The following CACNA2D4 variants were observed in gnomAD, a reference collection of about 807,000 sequenced individuals.
CACNA2D4 encodes calcium voltage-gated channel auxiliary subunit alpha2delta 4.
A neutral mutation model predicts 163.8 loss-of-function variants in CACNA2D4; 157 were observed. The observed-to-expected ratio is 0.96, with a 90% CI of 0.84 to 1.09. The LOEUF (loss-of-function observed/expected upper bound fraction) is 1.09, where lower values mean the gene tolerates loss of function less well. Among genes scored for constraint, CACNA2D4 ranks in the 50% least tolerant of loss-of-function variants. The pLI is 0.00. For synonymous variants in CACNA2D4, 598 were observed against 586.9 expected (o/e 1.02, Z -0.27); for missense variants, 1,410 against 1,479.9 (o/e 0.95, Z 0.78).
rs60739615 is a variant in CACNA2D4, at chr12:1,802,015, C to CTGTGTGTGTG, written c.2722-381_2722-372dup. ...TATGAAACTGGATTTGTTTTATATG[C>CTGTGTGTGTG]TGTGTGTGTGTGTGTGTGTGTGTGT... On this transcript the variant is annotated intron_variant, in intron 29 of 37. Coordinates refer to ENST00000382722, the MANE Select transcript of CACNA2D4 (RefSeq NM_172364.5). This position sits in a 1 kb window ranked among gnomAD's most constrained non-coding sequence, Gnocchi z 4.7. Among the ~76,000 whole-genome samples the CTGTGTGTGTG allele has an allele frequency of 2.7e-4, 39 of 144,270 alleles. No individual in the cohort carries two copies. In the East Asian group the frequency reaches 4.0e-3, roughly 15 times the overall value. The allele number at this position is 144,270 out of a possible 152,430, so 94.6% of individuals were successfully genotyped here. A position where few individuals can be genotyped will look rare whatever the true frequency, so the allele number is the denominator to read the frequency against.
chr12:1,858,721 T>A, intron 19 of CACNA2D4, 77 bp from the exon 20 acceptor site: 3 of 1,154,054 alleles, frequency 2.6e-6, no homozygotes, highest in Non-Finnish European at 3.7e-6. Context: ...TCCTTGCCCT[T>A]ACCAACACTA....
In CACNA2D4 at chr12:1,855,743, G is replaced by A. The variant is rs111595294; in HGVS notation, c.2152+269C>T. ...TCCTGACCCTTAACAGAGCTTGGTG[G>A]ATAGAGGCTGAAAAAGATCCCAGTC... On this transcript the variant is annotated intron_variant, in intron 22 of 37. Coordinates refer to ENST00000382722, the MANE Select transcript of CACNA2D4 (RefSeq NM_172364.5). Among the ~76,000 whole-genome samples the A allele has an allele frequency of 1.7e-3, 262 of 152,338 alleles. 1 individual carries two copies. The highest frequency in any genetic ancestry group is 6.8e-3 in the Middle Eastern group (2 of 294).
chr12:1,876,809 A>G (rs1018587782), intron 16 of CACNA2D4, among the ~76,000 whole-genome samples: 2 of 152,156 alleles, frequency 1.3e-5, no homozygotes, highest in African/African-American at 4.8e-5. Context: ...GGGGCTCAAC[A>G]TTCCATTGCC....
At chr12:1,898,218 AATAG>A (rs1014698844) in intron 6 of CACNA2D4, among the ~76,000 whole-genome samples, 5 of 152,168 alleles carry the variant, frequency 3.3e-5, no homozygotes, top group Admixed American at 1.3e-4. Flanking sequence ...CAAAAGAAAA[AATAG>A]ATAGACTGGA....
intron 35 of CACNA2D4, among the ~76,000 whole-genome samples, chr12:1,796,269 G>A (rs967078271): frequency 1.3e-5 from 2 of 152,208 alleles, no homozygotes; most frequent in Non-Finnish European, 2.9e-5. Context: ...CGCCCGCCAG[G>A]CCCACGGCCT....
chr12:1,858,973 C>T (rs903796786), intron 19 of CACNA2D4, among the ~76,000 whole-genome samples: 4 of 152,196 alleles, frequency 2.6e-5, no homozygotes, highest in Non-Finnish European at 1.5e-5. Context: ...CTCTCTGTTT[C>T]ACAGGGGGTC....
At position 1,859,961 on chromosome 12, in the gene CACNA2D4, C is replaced by T. The variant is rs532071830; in HGVS notation, c.1940+184G>A. ...CTGTAAATGGTAGAGCTGGGGTTCA[C>T]GTCCAGGCAGTTTGGCTCTGGAACC... On this transcript the variant is annotated intron_variant, in intron 19 of 37. Transcript: ENST00000382722. Among the ~76,000 whole-genome samples, 54 of 152,330 alleles carry T rather than the reference C, an allele frequency of 3.5e-4. 1 individual carries two copies. The South Asian group carries it at 8.5e-3, about 24-fold the overall frequency.
chr12:1,915,756 G>A (rs1866958572), intron 1 of CACNA2D4, among the ~76,000 whole-genome samples: 1 of 152,224 alleles, frequency 6.6e-6, no homozygotes, highest in Non-Finnish European at 1.5e-5. Flanking sequence ...TGGCCAGGCT[G>A]GTGGGGTCCT....
intron 26 of CACNA2D4, among the ~76,000 whole-genome samples, chr12:1,830,131 A>G (rs566826001): frequency 1.3e-5 from 2 of 152,278 alleles, no homozygotes; most frequent in African/African-American, 2.4e-5. Flanking sequence ...CCCTAGGAAC[A>G]GAAGCCCAGG....
chr12:1,832,642 T>G (rs1298564861), intron 26 of CACNA2D4, among the ~76,000 whole-genome samples: 1 of 152,228 alleles, frequency 6.6e-6, no homozygotes, highest in African/African-American at 2.4e-5. Context: ...TAAAAATGTT[T>G]TACAAACTAT....
intron 27 of CACNA2D4, among the ~76,000 whole-genome samples, chr12:1,811,042 G>A (rs1162468767): frequency 6.6e-6 from 1 of 152,194 alleles, no homozygotes; most frequent in Non-Finnish European, 1.5e-5. Flanking sequence ...TCTGGTTGAG[G>A]CGGTGGGTGA....
In CACNA2D4 at chr12:1,798,083, G is replaced by A. The variant is rs1205139626; in HGVS notation, c.2996-548C>T. On this transcript the variant is annotated intron_variant, in intron 34 of 37. Coordinates refer to ENST00000382722, the MANE Select transcript of CACNA2D4 (RefSeq NM_172364.5). The surrounding 1 kb of genome is among the most constrained non-coding windows in gnomAD (Gnocchi z 4.3). ...AGGTGGGCTCCAGGCCTGGGGCTGCGGAAGCCCAGAAGCCACAGCCACCCG... is the reference window on the plus strand; with the variant it reads ...AGGTGGGCTCCAGGCCTGGGGCTGCAGAAGCCCAGAAGCCACAGCCACCCG... 3.9e-5 allele frequency among the ~76,000 whole-genome samples: 6 copies of A among 152,186 alleles called. No homozygotes were observed. The highest frequency in any genetic ancestry group is 8.8e-5 in the Non-Finnish European group (6 of 68,012).
In CACNA2D4 at chr12:1,793,202, G is replaced by GGT. The variant is rs1863025286; in HGVS notation, c.*452_*453insAC. On this transcript the variant is annotated 3_prime_UTR_variant, in exon 38 of 38. Coordinates refer to ENST00000382722, the MANE Select transcript of CACNA2D4 (RefSeq NM_172364.5). Reference sequence around the variant, plus strand: ...TTGCCTTAGCCTCATCTCTGCATTTGGCCTCATTCTGCTGCTGCTTCTCAG... The same window carrying GGT: ...TTGCCTTAGCCTCATCTCTGCATTTGGTGCCTCATTCTGCTGCTGCTTCTCAG... 6.1e-6 allele frequency: 1 copy of GGT among 162,886 alleles called. No individual in the cohort carries two copies. Among genetic ancestry groups the GGT allele is most frequent in the Non-Finnish European group, 1.3e-5 (1 of 74,568 alleles). The allele number at this position is 162,886 out of a possible 1,614,324, so 10.1% of individuals were successfully genotyped here. A position where few individuals can be genotyped will look rare whatever the true frequency, so the allele number is the denominator to read the frequency against.
rs987485779 is a variant in CACNA2D4, at chr12:1,874,456, G to A, written c.1878+148C>T. ...TTTCTCCAGGGCCAATGCACCCTGC[G>A]TATACTCCCTAATGGACCCTCTAGG... On this transcript the variant is annotated intron_variant, in intron 18 of 37. Transcript: ENST00000382722. This position sits in a 1 kb window ranked among gnomAD's most constrained non-coding sequence, Gnocchi z 4.4. The A allele has an allele frequency of 9.7e-6, 6 of 618,714 alleles. No homozygotes were observed. Among genetic ancestry groups the A allele is most frequent in the African/African-American group, 9.2e-5 (5 of 54,420 alleles). The allele number at this position is 618,714 out of a possible 1,614,324, so 38.3% of individuals were successfully genotyped here. A position where few individuals can be genotyped will look rare whatever the true frequency, so the allele number is the denominator to read the frequency against.
At chr12:1,855,926 C>T in intron 22 of CACNA2D4, 86 bp downstream of exon 22, 1 of 976,246 alleles carries the variant, frequency 1.0e-6, no homozygotes, top group Non-Finnish European at 1.6e-6. Context: ...CAGCAGCCTC[C>T]CCCTGCCTTC....
At chr12:1,884,430 G>C in intron 11 of CACNA2D4, 109 bp from the exon 12 acceptor site, 5 of 889,486 alleles carry the variant, frequency 5.6e-6, no homozygotes, top group Non-Finnish European at 3.6e-6. Context: ...CTCAGTCTTC[G>C]GGTTCTCCAA....
chr12:1,887,015 C>T lies in CACNA2D4; in HGVS notation c.836G>A (p.Arg279His), dbSNP rs769083357. The T allele has an allele frequency of 1.8e-5, 28 of 1,587,628 alleles. No individual in the cohort carries two copies. In the Middle Eastern group the frequency reaches 5.0e-4, roughly 28 times the overall value. The change falls in exon 7 of 38, where the codon CGC becomes CAC. Residue 279 changes from arginine (R) to histidine (H), a missense_variant. Coordinates refer to ENST00000382722, the MANE Select transcript of CACNA2D4 (RefSeq NM_172364.5). ...TTCCCCTGTGAGCTCTTACCAGCCG[C>T]GGTTTCGGCAGTCAAAAGTAATGAC... Reference protein sequence around the residue: ...NGVITFDCRNRGWYIQAATSP... With the variant: ...NGVITFDCRNHGWYIQAATSP...
chr12:1,796,400 T>C (rs1308050108), intron 35 of CACNA2D4, among the ~76,000 whole-genome samples: 1 of 152,342 alleles, frequency 6.6e-6, no homozygotes, highest in East Asian at 1.9e-4. Flanking sequence ...ATGAGGCTGG[T>C]GTTGTGCCCA....
chr12:1,828,025 T>C lies in CACNA2D4; in HGVS notation c.2551+12714A>G, dbSNP rs1264046698. The stretch of plus-strand genomic sequence containing the variant: ...CGGGCCCTCTCCCTAACCCCTGGGC[T>C]GGAACGGGGCTCCCGCGCCTGCCTG... On this transcript the variant is annotated intron_variant, in intron 26 of 37. Coordinates refer to ENST00000382722, the MANE Select transcript of CACNA2D4 (RefSeq NM_172364.5). This position sits in a 1 kb window ranked among gnomAD's most constrained non-coding sequence, Gnocchi z 4.2. 1 of 825,020 alleles carries C rather than the reference T, an allele frequency of 1.2e-6. No individual in the cohort carries two copies. The highest frequency in any genetic ancestry group is 1.8e-6 in the Non-Finnish European group (1 of 566,970). 51.1% of individuals were successfully genotyped at this position (825,020 alleles called of 1,614,324 possible). A position where few individuals can be genotyped will look rare whatever the true frequency, so the allele number is the denominator to read the frequency against.
Sources: allele counts gnomAD v4.1 joint callset (sites outside exome capture counted in the v4.1 genomes callset), GRCh38; gene constraint gnomAD v4.1.1; non-coding constraint Gnocchi (gnomAD v3.1); transcripts MANE v1.5; gene names NCBI Gene and HGNC (gene_info 2026-07-23, HGNC 2026-07-21).